EIF4E3: variants seen among roughly 807,000 people sequenced by gnomAD.
EIF4E3 encodes the protein eukaryotic translation initiation factor 4E type 3.
Under a neutral mutation model 31.7 loss-of-function variants are expected in EIF4E3, and 26 were observed. The observed-to-expected ratio is 0.82, with a 90% CI of 0.60 to 1.14. The LOEUF is 1.14. Among genes scored for constraint, EIF4E3 ranks in the 50% most tolerant of loss-of-function variants. EIF4E3 has a pLI of 0.00. For synonymous variants in EIF4E3, 128 were observed against 107.7 expected (o/e 1.19, Z -1.17); for missense variants, 304 against 270.9 (o/e 1.12, Z -0.86).
intron 1 of EIF4E3, among the ~76,000 whole-genome samples, chr3:71,744,078 A>T (rs1316456524): frequency 6.6e-6 from 1 of 152,206 alleles, no homozygotes; most frequent in African/African-American, 2.4e-5. Flanking sequence ...TAATTCATAA[A>T]ATAATTCAAA....
chr3:71,686,272 G>A (rs1431284772), intron 6 of EIF4E3, among the ~76,000 whole-genome samples: 1 of 152,188 alleles, frequency 6.6e-6, no homozygotes, highest in Non-Finnish European at 1.5e-5. Context: ...TTACAGGCAT[G>A]AACCACTGTA....
At chr3:71,745,727 T>C (rs1356095567) in intron 1 of EIF4E3, among the ~76,000 whole-genome samples, 3 of 152,200 alleles carry the variant, frequency 2.0e-5, no homozygotes, top group Non-Finnish European at 2.9e-5. Flanking sequence ...GGTGGTTGCA[T>C]TGAGTCTGTC....
Position 71,690,150 on chromosome 3 carries a change from C to G in EIF4E3, c.488G>C (p.Gly163Ala). 6.2e-7 allele frequency: 1 copy of G among 1,609,134 alleles called. No individual in the cohort carries two copies. Among genetic ancestry groups the G allele is most frequent in the Admixed American group, 1.7e-5 (1 of 59,270 alleles). The change falls in exon 6 of 7, where the codon GGA (glycine) becomes GCA (alanine). Residue 163 changes from glycine (G) to alanine (A), a missense_variant. Gly to Ala is a moderately conservative substitution (Grantham distance 60). Coordinates refer to ENST00000425534, the MANE Select transcript of EIF4E3 (RefSeq NM_001134651.2). ...DCAAADDEVI[G>A]VSVSVRDRED... ...TCGGTCCCGAACACTGACACTAACT[C>G]CTATTACTTCATCATCTGAGGGGAA...
At chr3:71,753,680 A>AGCGGCGGCG (rs914569552), upstream of EIF4E3, 6 of 145,306 alleles carry the variant, frequency 4.1e-5, no homozygotes, top group Non-Finnish European at 6.0e-5. Context: ...CAGCGGCGGC[A>AGCGGCGGCG]GCGGCGGCGG....
intron 5 of EIF4E3, 35 bp downstream of exon 5, chr3:71,693,840 G>A (rs200970638): frequency 3.2e-5 from 48 of 1,490,978 alleles, no homozygotes; most frequent in Middle Eastern, 1.8e-4. Flanking sequence ...AGGAGCACAC[G>A]AGGCAGGGCC....
intron 1 of EIF4E3, among the ~76,000 whole-genome samples, chr3:71,738,978 G>GTA (rs56982495): frequency 0.084 from 7,979 of 95,556 alleles, 549 homozygotes; most frequent in Non-Finnish European, 0.1. Context: ...AAATTGAACA[G>GTA]TATATATATA....
intron 1 of EIF4E3, among the ~76,000 whole-genome samples, chr3:71,747,198 T>G (rs576475710): frequency 3.7e-4 from 56 of 152,216 alleles, no homozygotes; most frequent in Admixed American, 1.2e-3. Context: ...TTTTGAGGAG[T>G]TGCCAAATCA....
Position 71,689,866 on chromosome 3 carries a change from A to T in EIF4E3, c.628+144T>A, listed in dbSNP as rs928332757. 2.3e-5 allele frequency: 19 copies of T among 836,086 alleles called. No individual in the cohort carries two copies. The African/African-American group carries it at 3.0e-4, about 13-fold the overall frequency. 51.8% of individuals were successfully genotyped at this position (836,086 alleles called of 1,614,324 possible). A position where few individuals can be genotyped will look rare whatever the true frequency, so the allele number is the denominator to read the frequency against. ...AGCTTGTTTTTTTTAAAAAAAAAAA[A>T]AACTTAAATGTATTTTGTTGAATTA... On this transcript the variant is annotated intron_variant, in intron 6 of 6. Transcript: ENST00000425534.
chr3:71,695,344 T>A (rs1447906), intron 4 of EIF4E3, among the ~76,000 whole-genome samples: 15,339 of 152,258 alleles, frequency 0.1, 863 homozygotes, highest in Non-Finnish European at 0.13. Flanking sequence ...TTATTATTTG[T>A]GACCCAACGC....
In EIF4E3 at chr3:71,725,353, C is replaced by G; in HGVS notation, c.15G>C (p.Pro5=). Residue 5 remains proline (P), a synonymous_variant, in exon 1 of 7, where the codon CCG becomes CCC. Coordinates refer to ENST00000425534, the MANE Select transcript of EIF4E3 (RefSeq NM_001134651.2). This position sits in a 1 kb window ranked among gnomAD's most constrained non-coding sequence, Gnocchi z 6.1. ...GGGCCCCGGCGGGGGGCGCGGCGGC[C>G]GGGGGCAGCGCCATTTTCTCCGCCC... MALP[P]AAAPPAGARE... 1.0e-6 allele frequency: 1 copy of G among 976,632 alleles called. No individual in the cohort carries two copies. The highest frequency in any genetic ancestry group is 1.2e-6 in the Non-Finnish European group (1 of 824,838). 60.5% of individuals were successfully genotyped at this position (976,632 alleles called of 1,614,324 possible). A position where few individuals can be genotyped will look rare whatever the true frequency, so the allele number is the denominator to read the frequency against.
intron 1 of EIF4E3, among the ~76,000 whole-genome samples, chr3:71,721,222 C>A (rs2049543391): frequency 6.6e-6 from 1 of 152,170 alleles, no homozygotes; most frequent in South Asian, 2.1e-4. Flanking sequence ...GGGTAGAATT[C>A]AACAACACCC....
At chr3:71,751,987 A>T (rs1197323709) in intron 1 of EIF4E3, among the ~76,000 whole-genome samples, 1 of 152,110 alleles carries the variant, frequency 6.6e-6, no homozygotes, top group Non-Finnish European at 1.5e-5. Flanking sequence ...ACACCCTCCA[A>T]AATCTATTTT....
intron 2 of EIF4E3, among the ~76,000 whole-genome samples, chr3:71,703,974 G>A (rs970095486): frequency 5.3e-5 from 8 of 152,150 alleles, no homozygotes; most frequent in Non-Finnish European, 1.0e-4. Context: ...TTATGGGCAG[G>A]GCCAATAGGC....
rs1335391044 is a variant in EIF4E3 at position 71,675,934 on chromosome 3, A to T, written c.*8748T>A. The T allele has an allele frequency of 6.6e-6, 1 of 152,200 alleles. No homozygotes were observed. The highest frequency in any genetic ancestry group is 1.9e-4 in the East Asian group (1 of 5,196). 9.4% of individuals were successfully genotyped at this position (152,200 alleles called of 1,614,324 possible). Reference sequence around the variant, plus strand: ...TCGGCAAGTTATTTCACCTCTCTGAACCTCATGCATATGTTTCCACATACA... The same window carrying T: ...TCGGCAAGTTATTTCACCTCTCTGATCCTCATGCATATGTTTCCACATACA... On this transcript the variant is annotated 3_prime_UTR_variant, in exon 7 of 7. Transcript: ENST00000425534.
At chr3:71,665,513 T>C in the EIF4E3 span, among the ~76,000 whole-genome samples, 2 of 152,230 alleles carry the variant, frequency 1.3e-5, no homozygotes, top group Non-Finnish European at 2.9e-5. Context: ...TTTGAATGTC[T>C]TGCAATGAAA....
chr3:71,670,489 A>T (rs2048842411), downstream of EIF4E3, among the ~76,000 whole-genome samples: 1 of 152,072 alleles, frequency 6.6e-6, no homozygotes, highest in African/African-American at 2.4e-5. Flanking sequence ...GTGTCTTTAG[A>T]TATCTATAAG....
the EIF4E3 span, among the ~76,000 whole-genome samples, chr3:71,668,077 CA>C: frequency 3.3e-5 from 5 of 152,130 alleles, no homozygotes. Flanking sequence ...TGGAACAGAA[CA>C]GAGGCCTCAG....
At chr3:71,695,495 G>A (rs1275655706) in intron 4 of EIF4E3, among the ~76,000 whole-genome samples, 1 of 152,158 alleles carries the variant, frequency 6.6e-6, no homozygotes, top group Non-Finnish European at 1.5e-5. Flanking sequence ...GGCAAAAAGT[G>A]TTCATAGTGA....
chr3:71,738,978 GTATA>G (rs56982495), intron 1 of EIF4E3, among the ~76,000 whole-genome samples: 26,038 of 95,724 alleles, frequency 0.27, 4,489 homozygotes, highest in East Asian at 0.65. Context: ...AAATTGAACA[GTATA>G]TATATATATA....
Sources: gnomAD v4.1 joint callset for allele counts (sites outside exome capture counted in the v4.1 genomes callset) on GRCh38, gnomAD v4.1.1 for gene constraint, Gnocchi (gnomAD v3.1) non-coding constraint, MANE v1.5 for transcripts, NCBI Gene and HGNC (gene_info 2026-07-23, HGNC 2026-07-21) for gene names.